SP100: variants seen among roughly 807,000 people sequenced by gnomAD.
SP100 encodes the protein SP100 nuclear body protein, also known as nuclear autoantigen Sp-100.
A neutral mutation model predicts 130.0 loss-of-function variants in SP100; 84 were observed. The ratio of observed to expected loss-of-function variants is 0.65; its 90% CI spans 0.54 to 0.77. The LOEUF (loss-of-function observed/expected upper bound fraction) is 0.77, where lower values mean the gene tolerates loss of function less well. Ranked by LOEUF, SP100 falls within the 30% of genes least tolerant of loss-of-function variation. SP100 has a pLI of 0.00. For missense variants in SP100, 978 were observed against 1,052.2 expected, an observed-to-expected ratio of 0.93 and a Z score of 0.97; for synonymous variants, 331 against 351.7, an observed-to-expected ratio of 0.94 and a Z score of 0.66.
chr2:230,509,371 G>A (rs966714272), intron 23 of SP100: 1 of 152,154 alleles, frequency 6.6e-6, no homozygotes, highest in African/African-American at 2.4e-5. Context: ...GGCTCCTGGG[G>A]CTACCTGCTC....
intron 2 of SP100, among the ~76,000 whole-genome samples, chr2:230,440,164 C>T (rs1187594009): frequency 6.6e-6 from 1 of 152,004 alleles, no homozygotes; most frequent in African/African-American, 2.4e-5. Context: ...AAACTCCTAA[C>T]CAGTGAAATG....
chr2:230,424,130 G>A (rs1396385689), intron 2 of SP100, among the ~76,000 whole-genome samples: 1 of 152,186 alleles, frequency 6.6e-6, no homozygotes, highest in African/African-American at 2.4e-5. Flanking sequence ...TTTCTTCCCT[G>A]TAAAATGACG....
At chr2:230,506,674 T>C in intron 22 of SP100, 1 of 429,852 alleles carries the variant, frequency 2.3e-6, no homozygotes, top group Non-Finnish European at 4.2e-6. Context: ...GGTTGGACAG[T>C]AAATTGTGGC....
intron 3 of SP100, among the ~76,000 whole-genome samples, chr2:230,443,634 T>A (rs2063557762): frequency 2.0e-5 from 3 of 151,688 alleles, no homozygotes; most frequent in Admixed American, 1.3e-4. Flanking sequence ...TTTTCTTTCC[T>A]TTTTTTTGTG....
intron 24 of SP100, among the ~76,000 whole-genome samples, chr2:230,516,875 GAT>G (rs1202041785): frequency 6.6e-6 from 1 of 152,132 alleles, no homozygotes; most frequent in African/African-American, 2.4e-5. Flanking sequence ...AATCACGACT[GAT>G]AGTGTCCCAT....
intron 24 of SP100, chr2:230,516,636 C>A (rs1690929327): frequency 6.6e-6 from 1 of 152,154 alleles, no homozygotes; most frequent in Non-Finnish European, 1.5e-5. Context: ...ACTATATGAT[C>A]TCCAAAGTTA....
At chr2:230,430,352 A>G (rs554195972) in intron 2 of SP100, among the ~76,000 whole-genome samples, 1 of 152,338 alleles carries the variant, frequency 6.6e-6, no homozygotes, top group South Asian at 2.1e-4. Context: ...AGCTACTGTT[A>G]GGTATGGTCA....
intron 13 of SP100, among the ~76,000 whole-genome samples, chr2:230,467,610 A>C (rs555382895): frequency 7.2e-5 from 11 of 152,294 alleles, no homozygotes; most frequent in African/African-American, 2.4e-4. Context: ...TTCTGCTGGG[A>C]AACTCCCCCT....
intron 24 of SP100, among the ~76,000 whole-genome samples, chr2:230,530,755 G>A (rs1316245992): frequency 6.6e-6 from 1 of 152,118 alleles, no homozygotes; most frequent in Non-Finnish European, 1.5e-5. Flanking sequence ...CAAAAAGTGG[G>A]CAAAGGATAT....
chr2:230,457,380 A>G lies in SP100; in HGVS notation c.821-3882A>G, dbSNP rs114069305. On this transcript the variant is annotated intron_variant, in intron 8 of 28. Coordinates refer to ENST00000340126, the MANE Select transcript of SP100 (RefSeq NM_001080391.2). ...ATCATGGGTTCACTGAGGCTGAAAT[A>G]GTGCTGTAGGAGGCTGAAGACTGAG... is the stretch of plus-strand genomic sequence containing the variant. Among the ~76,000 whole-genome samples, 1,403 of 152,282 alleles carry G rather than the reference A, an allele frequency of 9.2e-3. 23 individuals carry two copies. The highest frequency in any genetic ancestry group is 0.032 in the African/African-American group (1,344 of 41,560).
In SP100 at chr2:230,431,938, A is replaced by G. The variant is rs544583815; in HGVS notation, c.108-10999A>G. 9.9e-5 allele frequency among the ~76,000 whole-genome samples: 15 copies of G among 152,272 alleles called. No individual in the cohort carries two copies. In the East Asian group the frequency reaches 2.5e-3, roughly 25 times the overall value. Reference sequence around the variant, plus strand: ...TCTCCTGTTTTAAGTGTGTATCTCAATGATTTTTAACAGAATTACAGAGTT... The same window carrying G: ...TCTCCTGTTTTAAGTGTGTATCTCAGTGATTTTTAACAGAATTACAGAGTT... On this transcript the variant is annotated intron_variant, in intron 2 of 28. Transcript: ENST00000340126.
At chr2:230,495,805 C>A (rs544488336) in intron 18 of SP100, among the ~76,000 whole-genome samples, 3 of 152,078 alleles carry the variant, frequency 2.0e-5, no homozygotes, top group South Asian at 4.1e-4. Flanking sequence ...ATTTTTGCAT[C>A]TTGTAAAATA....
intron 13 of SP100, 182 bp from the exon 14 acceptor site, chr2:230,468,861 G>A: frequency 2.7e-6 from 1 of 370,898 alleles, no homozygotes; most frequent in Non-Finnish European, 4.8e-6. Flanking sequence ...TTTGCAATTA[G>A]GGCTAAAGGA....
At chr2:230,450,078 A>G in intron 7 of SP100, 94 bp from the exon 8 acceptor site, 1 of 829,744 alleles carries the variant, frequency 1.2e-6, no homozygotes, top group Non-Finnish European at 2.0e-6. Flanking sequence ...TAGAAACAGG[A>G]GAAGAAAGGA....
chr2:230,441,995 T>C (rs1196727134), intron 2 of SP100, among the ~76,000 whole-genome samples: 1 of 152,216 alleles, frequency 6.6e-6, no homozygotes, highest in Non-Finnish European at 1.5e-5. Context: ...TTTGTCATTG[T>C]GAATCTAATT....
intron 19 of SP100, among the ~76,000 whole-genome samples, chr2:230,499,213 C>G (rs892684806): frequency 6.6e-6 from 1 of 151,672 alleles, no homozygotes; most frequent in African/African-American, 2.4e-5. Flanking sequence ...CTCTTCAGTC[C>G]CCACCTCCAC....
chr2:230,490,047 A>T (rs769609259), intron 17 of SP100, among the ~76,000 whole-genome samples: 1 of 152,206 alleles, frequency 6.6e-6, no homozygotes, highest in Non-Finnish European at 1.5e-5. Flanking sequence ...TCCACAGCTG[A>T]GTTCAAGTCC....
intron 2 of SP100, among the ~76,000 whole-genome samples, chr2:230,437,608 C>A (rs1482061951): frequency 6.6e-6 from 1 of 151,964 alleles, no homozygotes; most frequent in Non-Finnish European, 1.5e-5. Context: ...CTTGCTCTGT[C>A]ACCCAGGCTG....
intron 24 of SP100, among the ~76,000 whole-genome samples, chr2:230,519,285 A>G (rs1691059859): frequency 6.6e-6 from 1 of 152,198 alleles, no homozygotes; most frequent in Admixed American, 6.5e-5. Flanking sequence ...AATATGTTTT[A>G]CCAATGTCAG....
Sources: allele counts gnomAD v4.1 joint callset (sites outside exome capture counted in the v4.1 genomes callset), GRCh38; gene constraint gnomAD v4.1.1; transcripts MANE v1.5; gene names NCBI Gene and HGNC (gene_info 2026-07-23, HGNC 2026-07-21).